The following SI variants were observed in gnomAD, a reference collection of about 807,000 sequenced individuals.
The protein encoded by SI is sucrase-isomaltase.
Under a neutral mutation model 253.3 loss-of-function variants are expected in SI, and 235 were observed. That is an observed-to-expected ratio of 0.93 (90% confidence interval 0.83 to 1.03). The LOEUF (loss-of-function observed/expected upper bound fraction) is 1.03, where lower values mean the gene tolerates loss of function less well. Ranked by LOEUF, SI falls within the 50% of genes least tolerant of loss-of-function variation. The pLI, the probability that SI is intolerant of heterozygous loss-of-function variation, is 0.00. For synonymous variants in SI, 819 were observed against 712.0 expected, an observed-to-expected ratio of 1.15 and a Z score of -2.39; for missense variants, 2,442 against 2,211.1, an observed-to-expected ratio of 1.10 and a Z score of -2.09.
chr3:165,001,570 A>G (rs998882012), intron 37 of SI, among the ~76,000 whole-genome samples: 3 of 151,620 alleles, frequency 2.0e-5, no homozygotes, highest in Non-Finnish European at 4.4e-5. Flanking sequence ...ACACTATATC[A>G]TGGAAAGAGT....
At chr3:165,033,247 A>G in intron 23 of SI, 148 bp downstream of exon 23, 2 of 550,260 alleles carry the variant, frequency 3.6e-6, no homozygotes. Flanking sequence ...ATTTAAATAT[A>G]ACAATTTAAT....
intron 36 of SI, among the ~76,000 whole-genome samples, chr3:165,007,454 T>A (rs1718567473): frequency 6.6e-6 from 1 of 152,044 alleles, no homozygotes; most frequent in African/African-American, 2.4e-5. Context: ...ATGTCAAAGG[T>A]AAACAGATAA....
chr3:165,002,371 T>G (rs1356070551), intron 37 of SI, among the ~76,000 whole-genome samples: 6 of 151,798 alleles, frequency 4.0e-5, no homozygotes, highest in African/African-American at 1.2e-4. Context: ...TCCATGATTC[T>G]TTGTGTAAAA....
At chr3:165,045,823 A>C (rs952783582) in intron 16 of SI, among the ~76,000 whole-genome samples, 2 of 149,794 alleles carry the variant, frequency 1.3e-5, no homozygotes, top group Admixed American at 1.4e-4. Context: ...TTGACTCATG[A>C]ATGAATTTGA....
chr3:164,994,124 A>G (rs966923901), intron 41 of SI, 133 bp downstream of exon 41: 5 of 738,842 alleles, frequency 6.8e-6, no homozygotes, highest in Admixed American at 5.0e-5. Context: ...CTTTATTAAT[A>G]AAAAATGTGT....
chr3:165,020,881 T>A (rs1711564965), intron 27 of SI, among the ~76,000 whole-genome samples: 1 of 151,700 alleles, frequency 6.6e-6, no homozygotes, highest in Non-Finnish European at 1.5e-5. Flanking sequence ...ACAGTTTCAA[T>A]AAAATATTTA....
In SI at chr3:165,033,425, G is replaced by T. The variant is rs180685608; in HGVS notation, c.2535C>A (p.Asn845Lys). The T allele has an allele frequency of 1.9e-6, 3 of 1,549,868 alleles. No homozygotes were observed. In the Admixed American group the frequency reaches 5.4e-5, roughly 28 times the overall value. The stretch of plus-strand genomic sequence containing the variant: ...AAACTGAAAATGTATATAATATGTA[G>T]TTGCCATTTTGTATTGTATCTGAAA... ...GETKDTIQNG[N>K]YILYTFSVSN... Residue 845 changes from asparagine (N) to lysine (K), a missense_variant, in exon 23 of 48, where the codon AAC becomes AAA. Asn to Lys is a moderately conservative substitution (Grantham distance 94, BLOSUM62 0). Coordinates refer to ENST00000264382, the MANE Select transcript of SI (RefSeq NM_001041.4).
In SI at chr3:165,039,111, G is replaced by A. The variant is rs746566120; in HGVS notation, c.2268C>T (p.Tyr756=). ...LKQGADTVSA[Y]IPDAIWYDYE... ...AATCATACCAAATAGCATCAGGGAT[G>A]TAGGCACTCACAGTATCTGCTCCCT... Residue 756 remains tyrosine, a synonymous_variant, in exon 20 of 48, where the codon TAC becomes TAT. Coordinates refer to ENST00000264382, the MANE Select transcript of SI (RefSeq NM_001041.4). 1 of 1,593,966 alleles carries A rather than the reference G, an allele frequency of 6.3e-7. No individual in the cohort carries two copies. The highest frequency in any genetic ancestry group is 8.6e-7 in the Non-Finnish European group (1 of 1,163,300).
At chr3:165,058,859 T>TATACACAC in intron 12 of SI, 104 bp downstream of exon 12, 4 of 638,348 alleles carry the variant, frequency 6.3e-6, no homozygotes, top group Non-Finnish European at 8.5e-6. Flanking sequence ...AAAGCAGACA[T>TATACACAC]ACACACACAC....
intron 1 of SI, among the ~76,000 whole-genome samples, chr3:165,076,973 G>A (rs149553144): frequency 6.2e-5 from 9 of 145,970 alleles, no homozygotes; most frequent in African/African-American, 1.3e-4. Flanking sequence ...TTAAAATCAC[G>A]GTTTGTTTTT....
At chr3:165,010,890 T>C (rs368411976) in intron 34 of SI, among the ~76,000 whole-genome samples, 1 of 152,168 alleles carries the variant, frequency 6.6e-6, no homozygotes, top group Non-Finnish European at 1.5e-5. Context: ...TCAAGAATAG[T>C]GGGTGGAACT....
At position 165,055,191 on chromosome 3, in the gene SI, T is replaced by G; in HGVS notation, c.1512+3A>C. On this transcript the variant is annotated splice_donor_region_variant and intron_variant, in intron 13 of 47. Transcript: ENST00000264382. The stretch of plus-strand genomic sequence containing the variant: ...AAACCATTGGTTTAAAATAGCTACT[T>G]ACAATCCAAAGTCCATCATATTGCA... 6.4e-7 allele frequency: 1 copy of G among 1,563,360 alleles called. No homozygotes were observed. The highest frequency in any genetic ancestry group is 1.1e-5 in the South Asian group (1 of 90,046).
At position 165,074,517 on chromosome 3, in the gene SI, C is replaced by G; in HGVS notation, c.255+14G>C. 6.4e-7 allele frequency: 1 copy of G among 1,574,402 alleles called. No individual in the cohort carries two copies. Among genetic ancestry groups the G allele is most frequent in the East Asian group, 2.3e-5 (1 of 43,946 alleles). On this transcript the variant is annotated intron_variant, in intron 3 of 47. Transcript: ENST00000264382. ...ATATATTCATTAAAAATATTAAAGA[C>G]TTTTGCTGCAGACCTCTGTTGGGAA...
chr3:165,054,974 C>T (rs1461558391), intron 13 of SI, among the ~76,000 whole-genome samples: 2 of 151,988 alleles, frequency 1.3e-5, no homozygotes, highest in African/African-American at 4.8e-5. Context: ...CAGTGTATTG[C>T]TAAAAAAGAA....
intron 9 of SI, among the ~76,000 whole-genome samples, chr3:165,061,976 C>T (rs1714004784): frequency 6.6e-6 from 1 of 151,910 alleles, no homozygotes; most frequent in Non-Finnish European, 1.5e-5. Context: ...AACTCAGTTA[C>T]CTCTAGGATT....
At chr3:165,072,174 A>T (rs1714621274) in intron 3 of SI, among the ~76,000 whole-genome samples, 1 of 152,056 alleles carries the variant, frequency 6.6e-6, no homozygotes, top group South Asian at 2.1e-4. Flanking sequence ...AAATTAAGGA[A>T]ATTTTTAGAA....
intron 16 of SI, 97 bp from the exon 17 acceptor site, chr3:165,043,272 T>G (rs1046764611): frequency 2.5e-6 from 2 of 801,742 alleles, no homozygotes; most frequent in Non-Finnish European, 4.1e-6. Flanking sequence ...GTGCCTTATA[T>G]ACAATTTGTT....
intron 13 of SI, among the ~76,000 whole-genome samples, chr3:165,052,666 A>C (rs773367221): frequency 6.6e-6 from 1 of 152,086 alleles, no homozygotes; most frequent in African/African-American, 2.4e-5. Context: ...CAAAAAACAA[A>C]AAAAAATCGT....
At chr3:165,013,107 G>A in intron 33 of SI, 65 bp from the exon 34 acceptor site, 1 of 993,404 alleles carries the variant, frequency 1.0e-6, no homozygotes, top group Non-Finnish European at 1.6e-6. Flanking sequence ...TTGCTATGTA[G>A]ATGAAGTGTA....
Sources: allele counts gnomAD v4.1 joint callset (sites outside exome capture counted in the v4.1 genomes callset), GRCh38; gene constraint gnomAD v4.1.1; transcripts MANE v1.5; gene names NCBI Gene and HGNC (gene_info 2026-07-23, HGNC 2026-07-21).